The following CTNNA2 variants were observed in gnomAD, a reference collection of about 807,000 sequenced individuals.
CTNNA2 encodes catenin alpha 2.
CTNNA2 carries 42 observed loss-of-function variants against 101.0 expected under a neutral mutation model. That is an observed-to-expected ratio of 0.42 (90% CI 0.32 to 0.54). CTNNA2 has a LOEUF of 0.54. CTNNA2 is among the 20% of genes least tolerant of loss of function. The probability of loss-of-function intolerance (pLI) is 0.14; values close to 1 mark genes in which losing one functional copy is unlikely to be tolerated. For synonymous variants in CTNNA2, 450 were observed against 456.4 expected, an observed-to-expected ratio of 0.99 and a Z score of 0.18; for missense variants, 871 against 1,223.1, an observed-to-expected ratio of 0.71 and a Z score of 4.29.
At chr2:80,414,622 C>T (rs748695745) in intron 8 of CTNNA2, among the ~76,000 whole-genome samples, 3 of 152,156 alleles carry the variant, frequency 2.0e-5, no homozygotes, top group African/African-American at 4.8e-5. Flanking sequence ...TAGTTGAGGA[C>T]GTATGACCCA....
At chr2:80,332,613 C>T (rs1042071756) in intron 7 of CTNNA2, among the ~76,000 whole-genome samples, 2 of 151,818 alleles carry the variant, frequency 1.3e-5, no homozygotes, top group South Asian at 4.2e-4. Flanking sequence ...GAAGGAAGGC[C>T]CCAGAAGAAG....
At chr2:80,496,352 G>A (rs910067641) in intron 9 of CTNNA2, among the ~76,000 whole-genome samples, 2 of 151,426 alleles carry the variant, frequency 1.3e-5, no homozygotes, top group African/African-American at 4.9e-5. Context: ...TATAATGCCT[G>A]GCAAATACAA....
intron 7 of CTNNA2, among the ~76,000 whole-genome samples, chr2:80,160,726 C>A (rs1206861217): frequency 6.6e-6 from 1 of 152,086 alleles, no homozygotes; most frequent in Non-Finnish European, 1.5e-5. Flanking sequence ...ATCTGCAATA[C>A]ATTGTTTTTT....
intron 2 of CTNNA2, among the ~76,000 whole-genome samples, chr2:79,255,164 A>G (rs183126656): frequency 1.4e-4 from 21 of 152,314 alleles, no homozygotes; most frequent in African/African-American, 5.1e-4. Context: ...AAGTAGAATT[A>G]TATGTATTTT....
chr2:79,556,723 A>C (rs1014987292), intron 1 of CTNNA2, among the ~76,000 whole-genome samples: 2 of 152,046 alleles, frequency 1.3e-5, no homozygotes, highest in African/African-American at 4.8e-5. Context: ...GAATTAGCGA[A>C]GCCTAGCTGT....
chr2:80,639,861 G>C (rs1673275910), intron 18 of CTNNA2, among the ~76,000 whole-genome samples: 1 of 152,052 alleles, frequency 6.6e-6, no homozygotes, highest in Admixed American at 6.6e-5. Context: ...CCAGCACTTT[G>C]GGAGGTCGAG....
chr2:80,503,012 T>A (rs1687993776), intron 9 of CTNNA2, among the ~76,000 whole-genome samples: 1 of 151,918 alleles, frequency 6.6e-6, no homozygotes, highest in Non-Finnish European at 1.5e-5. Context: ...TCTACAAAAA[T>A]TTTTTTACAA....
intron 2 of CTNNA2, among the ~76,000 whole-genome samples, chr2:79,660,690 A>T (rs1681975420): frequency 6.6e-6 from 1 of 152,014 alleles, no homozygotes; most frequent in Non-Finnish European, 1.5e-5. Context: ...TGTAGTCTGG[A>T]ATTAGATTAA....
chr2:79,589,322 G>A (rs956023747), intron 1 of CTNNA2, among the ~76,000 whole-genome samples: 16 of 152,110 alleles, frequency 1.1e-4, no homozygotes, highest in African/African-American at 3.4e-4. Context: ...TATAATTTTA[G>A]CCTGGAGAAA....
intron 7 of CTNNA2, among the ~76,000 whole-genome samples, chr2:80,037,358 G>A (rs796303147): frequency 5.6e-4 from 86 of 152,226 alleles, no homozygotes; most frequent in African/African-American, 2.0e-3. Context: ...TAATTGTGGT[G>A]CTGTCAGTTC....
At chr2:79,922,785 C>A (rs1397083726) in intron 7 of CTNNA2, among the ~76,000 whole-genome samples, 1 of 151,974 alleles carries the variant, frequency 6.6e-6, no homozygotes, top group Non-Finnish European at 1.5e-5. Flanking sequence ...AAGGACCCGC[C>A]CAAGGTCACA....
intron 1 of CTNNA2, among the ~76,000 whole-genome samples, chr2:79,620,624 G>A (rs192787607): frequency 2.0e-5 from 3 of 152,280 alleles, no homozygotes; most frequent in Admixed American, 1.3e-4. Context: ...GATTTCTAAG[G>A]ACCCTGAGTC....
chr2:80,355,553 A>G (rs769409323), intron 7 of CTNNA2, among the ~76,000 whole-genome samples: 30 of 152,122 alleles, frequency 2.0e-4, no homozygotes, highest in Non-Finnish European at 3.4e-4. Context: ...TAAGCATCAT[A>G]CTTATTAAGC....
chr2:80,528,819 C>T lies in CTNNA2; in HGVS notation c.1291-16163C>T, dbSNP rs145452753. Among the ~76,000 whole-genome samples, 426 of 152,262 alleles carry T rather than the reference C, an allele frequency of 2.8e-3. 7 individuals carry two copies. The highest frequency in any genetic ancestry group is 0.024 in the Admixed American group (360 of 15,298). Reference sequence around the variant, plus strand: ...CTGACATGTTTTTACACTGATTCTTCGTGAGTCTCTAACATATTCTTTGGA... The same window carrying T: ...CTGACATGTTTTTACACTGATTCTTTGTGAGTCTCTAACATATTCTTTGGA... On this transcript the variant is annotated intron_variant, in intron 9 of 18. Transcript: ENST00000402739.
intron 7 of CTNNA2, among the ~76,000 whole-genome samples, chr2:79,932,475 T>A (rs1443403392): frequency 6.6e-6 from 1 of 151,942 alleles, no homozygotes; most frequent in African/African-American, 2.4e-5. Context: ...TACTTGTGTG[T>A]GAGATTCTTT....
intron 7 of CTNNA2, among the ~76,000 whole-genome samples, chr2:80,016,976 A>C (rs1694194619): frequency 6.6e-6 from 1 of 152,224 alleles, no homozygotes; most frequent in Non-Finnish European, 1.5e-5. Flanking sequence ...TTAATTTGAT[A>C]TGCAAGGTGA....
Position 80,614,309 on chromosome 2 carries a change from C to G in CTNNA2, c.2431-4776C>G, listed in dbSNP as rs146806030. 6.4e-3 allele frequency among the ~76,000 whole-genome samples: 972 copies of G among 151,376 alleles called. 44 individuals are homozygous for G. The highest frequency in any genetic ancestry group is 0.058 in the Admixed American group (872 of 15,160). ...GAAAAAAATAAAAGTAACAATACAG[C>G]AATAAAAATAGTACAGATAAAACAC... On this transcript the variant is annotated intron_variant, in intron 17 of 18. Coordinates refer to ENST00000402739, the MANE Select transcript of CTNNA2 (RefSeq NM_001282597.3).
At chr2:79,987,440 C>T (rs1422285007) in intron 7 of CTNNA2, among the ~76,000 whole-genome samples, 1 of 152,122 alleles carries the variant, frequency 6.6e-6, no homozygotes, top group African/African-American at 2.4e-5. Context: ...AGCTAGGTGA[C>T]CTTGGGCAAG....
intron 8 of CTNNA2, among the ~76,000 whole-genome samples, chr2:80,394,674 G>A (rs1677835200): frequency 6.6e-6 from 1 of 152,122 alleles, no homozygotes; most frequent in South Asian, 2.1e-4. Context: ...CTTGGTTTTA[G>A]TGTTAGCTCT....
Sources: gnomAD v4.1 joint callset for allele counts (sites outside exome capture counted in the v4.1 genomes callset) on GRCh38, gnomAD v4.1.1 for gene constraint, MANE v1.5 for transcripts, NCBI Gene and HGNC (gene_info 2026-07-23, HGNC 2026-07-21) for gene names.